Variants in QKI observed in about 807,000 individuals in gnomAD.
QKI encodes the protein KH domain-containing RNA-binding protein QKI.
In QKI, 10 loss-of-function variants were observed where a neutral mutation model predicts 39.0. The ratio of observed to expected loss-of-function variants is 0.26; its 90% confidence interval spans 0.16 to 0.43. The LOEUF (loss-of-function observed/expected upper bound fraction) is 0.43, where lower values mean the gene tolerates loss of function less well. Ranked by LOEUF, QKI falls within the 20% of genes least tolerant of loss-of-function variation. QKI has a pLI of 1.00. For synonymous variants in QKI, 204 were observed against 155.4 expected (o/e 1.31, Z -2.33); for missense variants, 218 against 428.0 (o/e 0.51, Z 4.33).
chr6:163,534,933 C>G (rs893659616), intron 3 of QKI, 49 bp from the exon 4 acceptor site: 12 of 1,408,084 alleles, frequency 8.5e-6, no homozygotes, highest in Non-Finnish European at 1.2e-5. Context: ...AAGATGTGCT[C>G]TCTCTTTAAA....
At chr6:163,569,035 T>A (rs1783546603) in intron 7 of QKI, 1 of 976,442 alleles carries the variant, frequency 1.0e-6, no homozygotes, top group East Asian at 1.1e-4. Context: ...TTACATAATT[T>A]GTATAAGAAA....
At chr6:163,511,000 T>C (rs1779435604) in intron 3 of QKI, among the ~76,000 whole-genome samples, 1 of 152,186 alleles carries the variant, frequency 6.6e-6, no homozygotes, top group African/African-American at 2.4e-5. Flanking sequence ...ATATGGTACA[T>C]TCACCAAAAC....
intron 2 of QKI, among the ~76,000 whole-genome samples, chr6:163,471,170 G>C (rs1406656757): frequency 6.6e-6 from 1 of 152,130 alleles, no homozygotes; most frequent in South Asian, 2.1e-4. Flanking sequence ...CTTCAAAGGA[G>C]CAGCGGGAAG....
intron 2 of QKI, among the ~76,000 whole-genome samples, chr6:163,470,538 T>A (rs542572114): frequency 6.6e-6 from 1 of 152,120 alleles, no homozygotes; most frequent in East Asian, 1.9e-4. Flanking sequence ...CACTAGAAAA[T>A]AAGCACACAA....
intron 5 of QKI, 126 bp from the exon 6 acceptor site, chr6:163,563,294 A>G (rs1783144300): frequency 1.2e-6 from 1 of 851,056 alleles, no homozygotes; most frequent in East Asian, 2.6e-5. Flanking sequence ...CAGCGCATGT[A>G]CTAATGATTT....
At chr6:163,541,636 A>G (rs893530246) in intron 4 of QKI, among the ~76,000 whole-genome samples, 5 of 151,990 alleles carry the variant, frequency 3.3e-5, no homozygotes, top group African/African-American at 1.2e-4. Flanking sequence ...TGGTGTACAC[A>G]TGTACATGCA....
In QKI at chr6:163,571,398, G is replaced by C. The variant is rs1019933663; in HGVS notation, c.*688G>C. On this transcript the variant is annotated 3_prime_UTR_variant, in exon 8 of 8. Transcript: ENST00000361752. Reference sequence around the variant, plus strand: ...AAAACTGCAACACTATTTTTAAAAAGATAAATATCTGAGTTAAAATTACTG... The same window carrying C: ...AAAACTGCAACACTATTTTTAAAAACATAAATATCTGAGTTAAAATTACTG... The C allele has an allele frequency of 1.3e-5, 2 of 152,000 alleles. No homozygotes were observed. Among genetic ancestry groups the C allele is most frequent in the Non-Finnish European group, 2.9e-5 (2 of 67,988 alleles). The allele number at this position is 152,000 out of a possible 1,614,324, so 9.4% of individuals were successfully genotyped here. A position where few individuals can be genotyped will look rare whatever the true frequency, so the allele number is the denominator to read the frequency against.
In QKI at chr6:163,572,552, G is replaced by GT. The variant is rs1783750401; in HGVS notation, c.*1844dup. 6.6e-6 allele frequency: 1 copy of GT among 150,490 alleles called. No individual in the cohort carries two copies. Among genetic ancestry groups the GT allele is most frequent in the Admixed American group, 6.7e-5 (1 of 14,942 alleles). The allele number at this position is 150,490 out of a possible 1,614,324, so 9.3% of individuals were successfully genotyped here. On this transcript the variant is annotated 3_prime_UTR_variant, in exon 8 of 8. Coordinates refer to ENST00000361752, the MANE Select transcript of QKI (RefSeq NM_006775.3). ...GCTTAAGCTTCTAATTTCTCAAGAA[G>GT]TTGAAACAGTTAGTTATGTAGTTGA...
intron 3 of QKI, among the ~76,000 whole-genome samples, chr6:163,498,548 C>G (rs1031508369): frequency 3.9e-5 from 6 of 151,900 alleles, no homozygotes; most frequent in Admixed American, 1.3e-4. Flanking sequence ...TCCCTCATCC[C>G]CCTTCACTTT....
intron 1 of QKI, among the ~76,000 whole-genome samples, chr6:163,453,095 GT>G (rs975865694): frequency 5.9e-4 from 82 of 138,466 alleles, no homozygotes; most frequent in Admixed American, 1.1e-3. Flanking sequence ...AGATTCTTTT[GT>G]TTTTTTTTTT....
At chr6:163,480,317 A>C (rs1792981278) in intron 3 of QKI, among the ~76,000 whole-genome samples, 1 of 151,092 alleles carries the variant, frequency 6.6e-6, no homozygotes, top group African/African-American at 2.4e-5. Flanking sequence ...ATTGACTTGA[A>C]GGGGCTATCT....
intron 1 of QKI, among the ~76,000 whole-genome samples, chr6:163,435,954 CTAA>C (rs878974519): frequency 1.3e-5 from 2 of 152,100 alleles, no homozygotes; most frequent in Admixed American, 1.3e-4. Flanking sequence ...CTCTAAGTGA[CTAA>C]TGTTTGTAAT....
At chr6:163,478,060 G>A (rs1044691117) in intron 2 of QKI, among the ~76,000 whole-genome samples, 7 of 152,172 alleles carry the variant, frequency 4.6e-5, no homozygotes, top group African/African-American at 1.4e-4. Flanking sequence ...GATTTAGCCC[G>A]TTTTTCCTAT....
intron 2 of QKI, among the ~76,000 whole-genome samples, chr6:163,465,336 GAAAT>G (rs1315596713): frequency 6.6e-6 from 1 of 152,056 alleles, no homozygotes; most frequent in African/African-American, 2.4e-5. Flanking sequence ...CCAAGAAAAA[GAAAT>G]AAAGGCAGCC....
intron 1 of QKI, among the ~76,000 whole-genome samples, chr6:163,454,455 A>G (rs1790786728): frequency 6.6e-6 from 1 of 152,158 alleles, no homozygotes; most frequent in Admixed American, 6.6e-5. Flanking sequence ...CTTTCCCTTG[A>G]AACTTCTCTG....
At chr6:163,446,235 CTATA>C (rs1262650476) in intron 1 of QKI, among the ~76,000 whole-genome samples, 2 of 151,990 alleles carry the variant, frequency 1.3e-5, no homozygotes, top group Non-Finnish European at 2.9e-5. Context: ...ATTACTATCA[CTATA>C]TAAGTAAAAA....
intron 1 of QKI, among the ~76,000 whole-genome samples, chr6:163,439,354 T>TTTGG (rs201292493): frequency 7.5e-6 from 1 of 133,362 alleles, no homozygotes; most frequent in African/African-American, 2.9e-5. Flanking sequence ...TTTTTTTTTT[T>TTTGG]CGGGGGGGTG....
Position 163,570,895 on chromosome 6 carries a change from T to C in QKI, c.*185T>C, listed in dbSNP as rs1187460771. 2.7e-5 allele frequency: 4 copies of C among 145,460 alleles called. No individual in the cohort carries two copies. The highest frequency in any genetic ancestry group is 4.9e-5 in the Non-Finnish European group (4 of 81,610). The allele number at this position is 145,460 out of a possible 1,614,324, so 9.0% of individuals were successfully genotyped here. A position where few individuals can be genotyped will look rare whatever the true frequency, so the allele number is the denominator to read the frequency against. ...AGAAATTGTTGTCCTCCAACTCAGC[T>C]TTTTTTTTTTTTTTTTCCTGTTTGG... On this transcript the variant is annotated 3_prime_UTR_variant, in exon 8 of 8. Coordinates refer to ENST00000361752, the MANE Select transcript of QKI (RefSeq NM_006775.3).
chr6:163,448,577 T>A lies in QKI; in HGVS notation c.143-6702T>A, dbSNP rs560619253. 1.5e-3 allele frequency among the ~76,000 whole-genome samples: 229 copies of A among 150,336 alleles called. 1 individual carries two copies. Among genetic ancestry groups the A allele is most frequent in the African/African-American group, 2.7e-3 (109 of 40,956 alleles). On this transcript the variant is annotated intron_variant, in intron 1 of 7. Transcript: ENST00000361752. Reference sequence around the variant, plus strand: ...ACCCCGTGTCTACTAAAAAAAAAAATAATAATAAATTAGCTGACCATGGTG... The same window carrying A: ...ACCCCGTGTCTACTAAAAAAAAAAAAAATAATAAATTAGCTGACCATGGTG...
Sources: gnomAD v4.1 joint callset for allele counts (sites outside exome capture counted in the v4.1 genomes callset) on GRCh38, gnomAD v4.1.1 for gene constraint, MANE v1.5 for transcripts, NCBI Gene and HGNC (gene_info 2026-07-23, HGNC 2026-07-21) for gene names.